Variants in PEX5L observed in about 807,000 individuals in gnomAD.
The protein encoded by PEX5L is PEX5-related protein.
Under a neutral mutation model 84.0 loss-of-function variants are expected in PEX5L, and 30 were observed. The observed-to-expected ratio is 0.36, with a 90% CI of 0.27 to 0.48. The LOEUF is 0.48. Among genes scored for constraint, PEX5L ranks in the 20% least tolerant of loss-of-function variants. PEX5L has a pLI of 0.99. For synonymous variants in PEX5L, 270 were observed against 283.1 expected (o/e 0.95, Z 0.46); for missense variants, 533 against 754.6 (o/e 0.71, Z 3.44).
chr3:179,929,691 C>T (rs1322467391), intron 2 of PEX5L, among the ~76,000 whole-genome samples: 2 of 152,162 alleles, frequency 1.3e-5, no homozygotes, highest in Admixed American at 6.5e-5. Context: ...TCAGTTCCTG[C>T]CTAATGCCCC....
Position 179,802,027 on chromosome 3 carries a change from G to A in PEX5L, c.1682C>T (p.Ala561Val). The part of the protein sequence containing the change: ...SCINLGAYRE[A>V]VSNFLTALSL... ...GAGGGCAGTGAGAAAATTGCTGACC[G>A]CTTCTCTAAGAAGGTAGAAAAACAT... The change falls in exon 15 of 15, where the codon GCG (alanine) becomes GTG (valine). Residue 561 changes from alanine (A) to valine (V), a missense_variant. By Grantham distance (64) the Ala-to-Val change is moderately conservative (BLOSUM62 0). This residue lies in a region of PEX5L where 105 missense variants were observed against 204.6 expected (regional missense o/e 0.51). Transcript: ENST00000467460. The A allele has an allele frequency of 3.1e-6, 5 of 1,607,444 alleles. No homozygotes were observed. Among genetic ancestry groups the A allele is most frequent in the Non-Finnish European group, 4.3e-6 (5 of 1,174,166 alleles).
intron 2 of PEX5L, among the ~76,000 whole-genome samples, chr3:179,938,293 G>A (rs1775150328): frequency 1.3e-5 from 2 of 152,156 alleles, no homozygotes; most frequent in South Asian, 4.1e-4. Flanking sequence ...AGGTTCAATG[G>A]AGTTGAGATG....
At chr3:179,977,638 A>C (rs1259582434) in intron 1 of PEX5L, among the ~76,000 whole-genome samples, 7 of 152,230 alleles carry the variant, frequency 4.6e-5, no homozygotes, top group African/African-American at 1.7e-4. Flanking sequence ...CTTGAGAGTG[A>C]TCGCCTTTCA....
chr3:179,903,239 G>C (rs1471130657), intron 2 of PEX5L, among the ~76,000 whole-genome samples: 1 of 151,760 alleles, frequency 6.6e-6, no homozygotes, highest in Non-Finnish European at 1.5e-5. Flanking sequence ...GTTTGTTTTT[G>C]AGACAGTGTC....
chr3:179,997,954 G>C (rs1259396149), intron 1 of PEX5L, among the ~76,000 whole-genome samples: 1 of 152,184 alleles, frequency 6.6e-6, no homozygotes, highest in African/African-American at 2.4e-5. Flanking sequence ...AAGAGACATT[G>C]ATCACTTTTC....
intron 1 of PEX5L, among the ~76,000 whole-genome samples, chr3:180,003,641 A>G (rs1003588413): frequency 1.3e-5 from 2 of 152,176 alleles, no homozygotes; most frequent in Non-Finnish European, 2.9e-5. Flanking sequence ...TTCAAGCTCA[A>G]GTATGATACA....
chr3:179,832,708 C>G (rs533968311), intron 8 of PEX5L, among the ~76,000 whole-genome samples: 8 of 151,956 alleles, frequency 5.3e-5, no homozygotes, highest in African/African-American at 1.7e-4. Flanking sequence ...ACCCACCAAC[C>G]TTCCTACTTA....
chr3:179,954,212 G>T (rs75686020), intron 2 of PEX5L, among the ~76,000 whole-genome samples: 2 of 140,976 alleles, frequency 1.4e-5, no homozygotes, highest in South Asian at 2.2e-4. Flanking sequence ...GTCGGGGGGG[G>T]GGGAAAAAGT....
At chr3:179,966,062 C>T (rs1411505851) in intron 2 of PEX5L, among the ~76,000 whole-genome samples, 2 of 152,170 alleles carry the variant, frequency 1.3e-5, no homozygotes, top group African/African-American at 4.8e-5. Flanking sequence ...TGAATAGTCT[C>T]TCTCATTCCA....
chr3:179,956,266 T>C (rs1780529386), intron 2 of PEX5L, among the ~76,000 whole-genome samples: 1 of 152,194 alleles, frequency 6.6e-6, no homozygotes. Flanking sequence ...TCTTAATAAC[T>C]TTCTGTACCT....
chr3:179,838,220 G>T (rs1361903363), intron 8 of PEX5L, among the ~76,000 whole-genome samples: 1 of 151,608 alleles, frequency 6.6e-6, no homozygotes, highest in African/African-American at 2.4e-5. Flanking sequence ...CTTGTGTTTT[G>T]TCTGTTTATT....
At chr3:179,874,280 A>C in intron 7 of PEX5L, 47 bp downstream of exon 7, 2 of 1,064,168 alleles carry the variant, frequency 1.9e-6, no homozygotes, top group Non-Finnish European at 2.9e-6. Context: ...TATGCTATAC[A>C]CTATATATAG....
intron 7 of PEX5L, among the ~76,000 whole-genome samples, chr3:179,867,052 A>G (rs1242909608): frequency 6.6e-6 from 1 of 151,520 alleles, no homozygotes; most frequent in African/African-American, 2.4e-5. Flanking sequence ...GAAAAAAAAA[A>G]AAGAAAAGAA....
rs181008202 is a variant in PEX5L, at chr3:179,995,199, T to G, written c.22-23534A>C. On this transcript the variant is annotated intron_variant, in intron 1 of 14. Coordinates refer to ENST00000467460, the MANE Select transcript of PEX5L (RefSeq NM_016559.3). ...TATATACACTATATACTATATATAG[T>G]GTGTATATATACACACACTATCTAC... 6.0e-4 allele frequency among the ~76,000 whole-genome samples: 88 copies of G among 147,748 alleles called. 1 individual carries two copies. The East Asian group carries it at 0.016, about 27-fold the overall frequency.
chr3:179,937,551 T>C (rs1395590490), intron 2 of PEX5L, among the ~76,000 whole-genome samples: 1 of 152,192 alleles, frequency 6.6e-6, no homozygotes, highest in Non-Finnish European at 1.5e-5. Flanking sequence ...CATCTTAATT[T>C]TATTTCTCCA....
At chr3:179,973,232 T>C in intron 1 of PEX5L, 1 of 1,288,684 alleles carries the variant, frequency 7.8e-7, no homozygotes, top group East Asian at 5.6e-5. Flanking sequence ...GGTCCTTCCA[T>C]CCATTTCACT....
intron 1 of PEX5L, chr3:179,973,487 T>C: frequency 1.0e-6 from 1 of 963,570 alleles, no homozygotes; most frequent in Non-Finnish European, 1.2e-6. Context: ...GCTCTTTGAC[T>C]GTTGTTCCCA....
intron 2 of PEX5L, among the ~76,000 whole-genome samples, chr3:179,916,653 T>C (rs1246542023): frequency 2.0e-5 from 3 of 150,230 alleles, no homozygotes; most frequent in African/African-American, 7.3e-5. Context: ...CTGTACTTTA[T>C]AAGTTTTTAA....
At chr3:179,938,588 CA>C (rs1428347563) in intron 2 of PEX5L, among the ~76,000 whole-genome samples, 1 of 152,058 alleles carries the variant, frequency 6.6e-6, no homozygotes, top group African/African-American at 2.4e-5. Flanking sequence ...CTTATCCACA[CA>C]AAATAAGAGT....
Sources: gnomAD v4.1 joint callset for allele counts (sites outside exome capture counted in the v4.1 genomes callset) on GRCh38, gnomAD v4.1.1 for gene constraint, gnomAD v4.1.1 regional missense constraint, MANE v1.5 for transcripts, NCBI Gene and HGNC (gene_info 2026-07-23, HGNC 2026-07-21) for gene names.